Variants in ITPR2 observed in about 807,000 individuals in gnomAD.
The protein encoded by ITPR2 is inositol 1,4,5-trisphosphate-gated calcium channel ITPR2.
A neutral mutation model predicts 317.1 loss-of-function variants in ITPR2; 207 were observed. The ratio of observed to expected loss-of-function variants is 0.65; its 90% CI spans 0.58 to 0.73. The LOEUF (loss-of-function observed/expected upper bound fraction) is 0.73, where lower values mean the gene tolerates loss of function less well. Among genes scored for constraint, ITPR2 ranks in the 30% least tolerant of loss-of-function variants. The pLI, the probability that ITPR2 is intolerant of heterozygous loss-of-function variation, is 0.00. For synonymous variants in ITPR2, 1,156 were observed against 1,149.1 expected (o/e 1.01, Z -0.12); for missense variants, 2,613 against 3,284.0 (o/e 0.80, Z 4.99).
chr12:26,641,149 T>A (rs1264762092), intron 21 of ITPR2, among the ~76,000 whole-genome samples: 1 of 152,088 alleles, frequency 6.6e-6, no homozygotes, highest in Non-Finnish European at 1.5e-5. Flanking sequence ...CTTCAAGAGA[T>A]CTTTAGCTGG....
At chr12:26,357,396 C>G (rs1452622906) in intron 55 of ITPR2, among the ~76,000 whole-genome samples, 2 of 152,124 alleles carry the variant, frequency 1.3e-5, no homozygotes, top group Admixed American at 6.5e-5. Flanking sequence ...GGAGGGTGAT[C>G]TGCCCTGGCT....
rs142777085 is a variant in ITPR2 at position 26,450,667 on chromosome 12, G to T, written c.6343-7017C>A. On this transcript the variant is annotated intron_variant, in intron 45 of 56. Coordinates refer to ENST00000381340, the MANE Select transcript of ITPR2 (RefSeq NM_002223.4). ...AGATCAGCTTCAGGAATTCCTAGTA[G>T]GGAGAAGCACATTTTCCCCACTTTA... 5.6e-4 allele frequency among the ~76,000 whole-genome samples: 85 copies of T among 152,276 alleles called. No individual in the cohort carries two copies. In the South Asian group the frequency reaches 9.5e-3, roughly 17 times the overall value.
intron 34 of ITPR2, among the ~76,000 whole-genome samples, chr12:26,572,684 C>A (rs1945191594): frequency 6.6e-6 from 1 of 152,118 alleles, no homozygotes; most frequent in South Asian, 2.1e-4. Flanking sequence ...TCTTGCAGTC[C>A]TTATTTTTGG....
intron 1 of ITPR2, among the ~76,000 whole-genome samples, chr12:26,806,395 C>G (rs1338709327): frequency 6.6e-6 from 1 of 151,282 alleles, no homozygotes; most frequent in Non-Finnish European, 1.5e-5. Flanking sequence ...TAGAAAAAGC[C>G]TTGAAAAAAA....
intron 21 of ITPR2, among the ~76,000 whole-genome samples, chr12:26,639,861 A>G (rs183770054): frequency 1.9e-4 from 29 of 152,112 alleles, no homozygotes; most frequent in Admixed American, 1.8e-3. Context: ...TTCTTAATCC[A>G]GTCTATCGTT....
At chr12:26,684,164 T>C (rs996251914) in intron 11 of ITPR2, among the ~76,000 whole-genome samples, 10 of 152,248 alleles carry the variant, frequency 6.6e-5, no homozygotes, top group Non-Finnish European at 1.3e-4. Context: ...ATCTTCTGCA[T>C]TGAATTACAC....
intron 2 of ITPR2, among the ~76,000 whole-genome samples, chr12:26,760,615 C>T (rs1479887464): frequency 6.6e-6 from 1 of 152,312 alleles, no homozygotes; most frequent in African/African-American, 2.4e-5. Flanking sequence ...AAATGAACTT[C>T]TCTCCTACCC....
In ITPR2 at chr12:26,596,890, A is replaced by T; in HGVS notation, c.4247T>A (p.Ile1416Asn). ...AGCTTTTGCCAGGCTTACCTCAGGG[A>T]TGCAGTCGTCATGGGTCACCACCCT... is the stretch of plus-strand genomic sequence containing the variant. The part of the protein sequence containing the change: ...IVRVVTHDDC[I>N]PEVKIAYVNF... The change falls in exon 31 of 57, where the codon ATC (isoleucine) becomes AAC (asparagine). Residue 1416 changes from isoleucine to asparagine, a missense_variant. Physicochemically the swap from Ile to Asn is moderately radical, Grantham distance 149. Coordinates refer to ENST00000381340, the MANE Select transcript of ITPR2 (RefSeq NM_002223.4). 1 of 1,536,738 alleles carries T rather than the reference A, an allele frequency of 6.5e-7. No homozygotes were observed. The highest frequency in any genetic ancestry group is 8.8e-7 in the Non-Finnish European group (1 of 1,142,250).
chr12:26,555,127 C>A (rs2137014112), intron 36 of ITPR2, among the ~76,000 whole-genome samples: 1 of 152,228 alleles, frequency 6.6e-6, no homozygotes, highest in African/African-American at 2.4e-5. Flanking sequence ...GTATAAAAAC[C>A]CCACCTATTC....
intron 8 of ITPR2, among the ~76,000 whole-genome samples, chr12:26,713,252 T>C (rs1948681584): frequency 6.6e-6 from 1 of 152,156 alleles, no homozygotes; most frequent in Admixed American, 6.5e-5. Flanking sequence ...GCCCTTCCAA[T>C]CATGTTGAAC....
At position 26,398,973 on chromosome 12, in the gene ITPR2, C is replaced by G. The variant is rs370237159; in HGVS notation, c.7599G>C (p.Leu2533=). 1.1e-4 allele frequency: 183 copies of G among 1,610,694 alleles called. No individual in the cohort carries two copies. The highest frequency in any genetic ancestry group is 1.6e-4 in the Middle Eastern group (1 of 6,070). Residue 2533 remains leucine, a synonymous_variant, in exon 54 of 57, where the codon CTG becomes CTC. Transcript: ENST00000381340. The part of the protein sequence containing the change: ...LFYFIVIIIV[L]NLIFGVIIDT... ...CGATGATAACACCAAAAATCAAGTTCAGAACAATAATGATAACAATGAAAT... is the reference window on the plus strand; with the variant it reads ...CGATGATAACACCAAAAATCAAGTTGAGAACAATAATGATAACAATGAAAT...
chr12:26,397,160 G>C (rs1192977750), intron 54 of ITPR2, among the ~76,000 whole-genome samples: 1 of 151,962 alleles, frequency 6.6e-6, no homozygotes, highest in Non-Finnish European at 1.5e-5. Context: ...TCCACTGTAA[G>C]TCCAGATGAT....
chr12:26,787,501 C>T (rs1950275179), intron 2 of ITPR2, among the ~76,000 whole-genome samples: 1 of 152,130 alleles, frequency 6.6e-6, no homozygotes. Flanking sequence ...GAGCTGTTAC[C>T]CCAGGTTCCC....
intron 37 of ITPR2, among the ~76,000 whole-genome samples, chr12:26,516,040 C>T (rs113671739): frequency 0.02 from 3,079 of 151,328 alleles, 58 homozygotes; most frequent in African/African-American, 0.05. Context: ...AGGAGGACTG[C>T]TTGAGCCCTG....
intron 13 of ITPR2, among the ~76,000 whole-genome samples, chr12:26,675,748 G>C (rs1402113761): frequency 2.0e-5 from 3 of 151,868 alleles, no homozygotes; most frequent in African/African-American, 7.3e-5. Context: ...AGAATAACAA[G>C]TCTATTGACA....
chr12:26,430,462 C>T (rs1941176510), intron 48 of ITPR2, among the ~76,000 whole-genome samples: 1 of 152,182 alleles, frequency 6.6e-6, no homozygotes, highest in Admixed American at 6.5e-5. Flanking sequence ...CTAGGTTTCA[C>T]CCTGTTGGCC....
At chr12:26,468,258 T>C (rs1325085271) in intron 45 of ITPR2, among the ~76,000 whole-genome samples, 1 of 152,086 alleles carries the variant, frequency 6.6e-6, no homozygotes, top group Non-Finnish European at 1.5e-5. Context: ...AAGAGAGAGA[T>C]GGTATCATGA....
chr12:26,384,992 T>C (rs1451542032), intron 55 of ITPR2, among the ~76,000 whole-genome samples: 11 of 152,212 alleles, frequency 7.2e-5, no homozygotes, highest in Non-Finnish European at 2.9e-5. Context: ...ACTGTCACAG[T>C]GAGAACCATC....
At chr12:26,451,863 G>C (rs1297668768) in intron 45 of ITPR2, among the ~76,000 whole-genome samples, 6 of 152,154 alleles carry the variant, frequency 3.9e-5, no homozygotes, top group African/African-American at 1.4e-4. Context: ...AAATGACTTA[G>C]GGCAGTTTTT....
Sources: gnomAD v4.1 joint callset for allele counts (sites outside exome capture counted in the v4.1 genomes callset) on GRCh38, gnomAD v4.1.1 for gene constraint, MANE v1.5 for transcripts, NCBI Gene and HGNC (gene_info 2026-07-23, HGNC 2026-07-21) for gene names.